CEP112: variants seen among roughly 807,000 people sequenced by gnomAD.
CEP112 encodes centrosomal protein of 112 kDa.
A neutral mutation model predicts 153.0 loss-of-function variants in CEP112; 127 were observed. The ratio of observed to expected loss-of-function variants is 0.83; its 90% CI spans 0.72 to 0.96. The LOEUF (loss-of-function observed/expected upper bound fraction) is 0.96. Among genes scored for constraint, CEP112 ranks in the 40% least tolerant of loss-of-function variants. The pLI is 0.00. For synonymous variants in CEP112, 358 were observed against 374.4 expected, an observed-to-expected ratio of 0.96 and a Z score of 0.51; for missense variants, 1,089 against 1,101.2, an observed-to-expected ratio of 0.99 and a Z score of 0.16.
chr17:66,030,147 G>T, intron 12 of CEP112, 124 bp from the exon 13 acceptor site: 1 of 733,712 alleles, frequency 1.4e-6, no homozygotes, highest in Non-Finnish European at 2.1e-6. Context: ...CATAAACCAT[G>T]GTAGTAGAAA....
At chr17:66,077,332 T>G (rs1430512800) in intron 8 of CEP112, among the ~76,000 whole-genome samples, 2 of 152,000 alleles carry the variant, frequency 1.3e-5, no homozygotes, top group Admixed American at 6.6e-5. Flanking sequence ...GAGAAATATT[T>G]AAGGAAATAG....
At chr17:66,188,606 C>A (rs2073043425) in intron 1 of CEP112, among the ~76,000 whole-genome samples, 1 of 147,658 alleles carries the variant, frequency 6.8e-6, no homozygotes, top group Non-Finnish European at 1.5e-5. Flanking sequence ...TTTTACACAT[C>A]TGTGTATTAT....
intron 18 of CEP112, among the ~76,000 whole-genome samples, chr17:65,937,340 C>G (rs1386940980): frequency 1.0e-4 from 11 of 105,822 alleles, no homozygotes; most frequent in African/African-American, 4.5e-4. Flanking sequence ...AGGAGCGCCT[C>G]TTCCCGGCCG....
chr17:65,800,727 A>G (rs2055218222), intron 21 of CEP112, among the ~76,000 whole-genome samples: 1 of 152,210 alleles, frequency 6.6e-6, no homozygotes. Context: ...TTCCCATTGT[A>G]AAATACGAAG....
chr17:65,697,117 C>T (rs777827190), intron 23 of CEP112, among the ~76,000 whole-genome samples: 5 of 152,106 alleles, frequency 3.3e-5, no homozygotes, highest in African/African-American at 4.8e-5. Context: ...TGGTAATGGT[C>T]TGTTTTCCAT....
At chr17:66,182,882 G>T (rs951874907) in intron 2 of CEP112, among the ~76,000 whole-genome samples, 4 of 152,082 alleles carry the variant, frequency 2.6e-5, no homozygotes, top group African/African-American at 9.7e-5. Flanking sequence ...AAATTTGCAA[G>T]AAAAATTTCC....
At chr17:65,985,414 G>A (rs2063371121) in intron 17 of CEP112, among the ~76,000 whole-genome samples, 1 of 152,182 alleles carries the variant, frequency 6.6e-6, no homozygotes, top group Non-Finnish European at 1.5e-5. Flanking sequence ...GGAGTCACAA[G>A]AATAGAAGTA....
chr17:66,011,210 G>A (rs993661730), intron 16 of CEP112, among the ~76,000 whole-genome samples: 1 of 151,846 alleles, frequency 6.6e-6, no homozygotes, highest in Non-Finnish European at 1.5e-5. Flanking sequence ...ATGGTTTTTC[G>A]CATCTCAATT....
chr17:65,939,868 G>A (rs6504377), intron 18 of CEP112, among the ~76,000 whole-genome samples: 72,840 of 151,892 alleles, frequency 0.48, 18,453 homozygotes, highest in East Asian at 0.89. Context: ...CACAGGCAAC[G>A]AAGGCAAACA....
intron 21 of CEP112, among the ~76,000 whole-genome samples, chr17:65,787,441 C>T (rs2054341590): frequency 6.6e-6 from 1 of 152,136 alleles, no homozygotes; most frequent in African/African-American, 2.4e-5. Flanking sequence ...TATAATCGCA[C>T]CAGTGCACTC....
rs2062203525 is a variant in CEP112, at chr17:65,961,572, A to G, written c.1763T>C (p.Val588Ala). ...LKEKEEQLTR[V>A]TEVQRLQAQQ... ...GGCCTGCAACCTCTGAACTTCAGTCACACGAGTTAGCTGCTCCTCTTTTTC... is the reference window on the plus strand; with the variant it reads ...GGCCTGCAACCTCTGAACTTCAGTCGCACGAGTTAGCTGCTCCTCTTTTTC... The change falls in exon 18 of 27, where the codon GTG (valine) becomes GCG (alanine). Residue 588 changes from valine (V) to alanine (A), a missense_variant. Coordinates refer to ENST00000535342, the MANE Select transcript of CEP112 (RefSeq NM_001199165.4). 1 of 1,612,714 alleles carries G rather than the reference A, an allele frequency of 6.2e-7. No individual in the cohort carries two copies. Among genetic ancestry groups the G allele is most frequent in the African/African-American group, 1.3e-5 (1 of 74,918 alleles).
chr17:65,787,317 C>G (rs1431709335), intron 21 of CEP112, among the ~76,000 whole-genome samples: 1 of 152,062 alleles, frequency 6.6e-6, no homozygotes, highest in Non-Finnish European at 1.5e-5. Context: ...CCCATCTCTA[C>G]AAAAAATTTT....
intron 8 of CEP112, among the ~76,000 whole-genome samples, chr17:66,080,948 T>C (rs2067693159): frequency 6.7e-6 from 1 of 149,064 alleles, no homozygotes. Flanking sequence ...TACTCATAAG[T>C]GGGAGTTGAA....
At chr17:65,650,735 A>ATT (rs58858039) in intron 24 of CEP112, among the ~76,000 whole-genome samples, 4 of 51,238 alleles carry the variant, frequency 7.8e-5, no homozygotes, top group African/African-American at 2.4e-4. Context: ...TCTACTAAAA[A>ATT]AAAAAAAAAA....
rs73342820 is a variant in CEP112, at chr17:65,761,584, T to C, written c.2395-10860A>G. On this transcript the variant is annotated intron_variant, in intron 21 of 26. Transcript: ENST00000535342. The stretch of plus-strand genomic sequence containing the variant: ...CACTGCTTTCTCCCTATCACATAAA[T>C]TTTGGTAAGTTCTGGTTTCATTTAG... 2.4e-3 allele frequency among the ~76,000 whole-genome samples: 373 copies of C among 152,304 alleles called. 1 individual carries two copies. The highest frequency in any genetic ancestry group is 0.01 in the Middle Eastern group (3 of 294).
chr17:66,069,638 A>G (rs2067240216), intron 9 of CEP112, among the ~76,000 whole-genome samples: 1 of 152,278 alleles, frequency 6.6e-6, no homozygotes, highest in East Asian at 1.9e-4. Context: ...ATAAAAGACT[A>G]TAAGAAGGTC....
Position 65,887,546 on chromosome 17 carries a change from C to T in CEP112, c.2163+14606G>A, listed in dbSNP as rs369526076. On this transcript the variant is annotated intron_variant, in intron 20 of 26. Transcript: ENST00000535342. ...GACCATGACTGGTCAAACCTGCAAG[C>T]ATACACCTGTTTGTGTCTGACATCT... Among the ~76,000 whole-genome samples, 22 of 152,326 alleles carry T rather than the reference C, an allele frequency of 1.4e-4. 2 individuals carry two copies. The highest frequency in any genetic ancestry group is 4.8e-4 in the African/African-American group (20 of 41,570).
At chr17:65,881,085 T>C (rs1236448705) in intron 20 of CEP112, among the ~76,000 whole-genome samples, 1 of 152,068 alleles carries the variant, frequency 6.6e-6, no homozygotes, top group African/African-American at 2.4e-5. Context: ...CATGCTGGCA[T>C]GCGCTTGTAG....
At chr17:66,165,192 C>T (rs2146792883) in intron 4 of CEP112, among the ~76,000 whole-genome samples, 1 of 150,686 alleles carries the variant, frequency 6.6e-6, no homozygotes, top group East Asian at 2.0e-4. Context: ...TCAGGTTTTG[C>T]AATGGCCAAG....
Sources: allele counts gnomAD v4.1 joint callset (sites outside exome capture counted in the v4.1 genomes callset), GRCh38; gene constraint gnomAD v4.1.1; transcripts MANE v1.5; gene names NCBI Gene and HGNC (gene_info 2026-07-23, HGNC 2026-07-21).